TENT5D: variants seen among roughly 807,000 people sequenced by gnomAD.
TENT5D encodes the protein cancer/testis antigen 112.
For synonymous variants in TENT5D, 103 were observed against 100.6 expected, an observed-to-expected ratio of 1.02 and a Z score of -0.15; for missense variants, 191 against 287.0, an observed-to-expected ratio of 0.67 and a Z score of 2.42.
chrX:80,442,199 T>C (rs757107931), intron 2 of TENT5D, among the ~76,000 whole-genome samples: 1 of 111,036 alleles, frequency 9.0e-6, no homozygotes, highest in South Asian at 3.7e-4. Context: ...AAAATTTATA[T>C]CACCAAAGAA....
chrX:80,434,221 AGAC>A (rs1331569683), intron 1 of TENT5D, among the ~76,000 whole-genome samples: 2 of 109,339 alleles, frequency 1.8e-5, no homozygotes, highest in Non-Finnish European at 1.9e-5. Flanking sequence ...AAAAAAAAAA[AGAC>A]AGATCAGGAT....
chrX:80,369,819 T>C (rs1179918132), intron 3 of TENT5D, among the ~76,000 whole-genome samples: 1 of 112,246 alleles, frequency 8.9e-6, no homozygotes, highest in Non-Finnish European at 1.9e-5. Context: ...ATGAGTATTA[T>C]GGATTTTGAT....
chrX:80,412,158 G>T (rs1931682689), intron 3 of TENT5D, among the ~76,000 whole-genome samples: 1 of 112,933 alleles, frequency 8.9e-6, no homozygotes, highest in African/African-American at 3.2e-5. Flanking sequence ...CCCACCCTCT[G>T]GAGTCACAGC....
chrX:80,416,411 C>T (rs772869833), upstream of TENT5D, among the ~76,000 whole-genome samples: 1 of 105,714 alleles, frequency 9.5e-6, no homozygotes, highest in South Asian at 4.1e-4. Flanking sequence ...ATCTTCCTAA[C>T]GTTTTGATGT....
chrX:80,367,962 AATT>A (rs2147524889), intron 3 of TENT5D, among the ~76,000 whole-genome samples: 1 of 111,436 alleles, frequency 9.0e-6, no homozygotes, highest in South Asian at 3.7e-4. Context: ...AGTCAATAAT[AATT>A]GTACATTTAA....
At chrX:80,341,503 T>C (rs922104076) in intron 2 of TENT5D, among the ~76,000 whole-genome samples, 14 of 111,245 alleles carry the variant, frequency 1.3e-4, no homozygotes, top group Non-Finnish European at 2.3e-4. Context: ...ATTATGTTCT[T>C]GTTCAGTCAA....
chrX:80,392,391 A>G (rs1022764116), intron 3 of TENT5D, among the ~76,000 whole-genome samples: 6 of 109,819 alleles, frequency 5.5e-5, no homozygotes, highest in South Asian at 3.9e-4. Flanking sequence ...CTTTTCCACA[A>G]ATAACTTTGA....
chrX:80,352,409 C>T (rs1396450143), intron 3 of TENT5D, among the ~76,000 whole-genome samples: 5 of 111,384 alleles, frequency 4.5e-5, no homozygotes, highest in Non-Finnish European at 7.5e-5. Flanking sequence ...CGCTTTGCCA[C>T]GCTTTGTTGA....
chrX:80,335,513 A>C (rs1210750145), exon 1 of TENT5D: 2 of 111,746 alleles, frequency 1.8e-5, no homozygotes, highest in Non-Finnish European at 3.8e-5. Context: ...TACGCGCCCC[A>C]GCTCCCACCT....
At chrX:80,376,827 T>C (rs761337506) in intron 3 of TENT5D, among the ~76,000 whole-genome samples, 101 of 111,914 alleles carry the variant, frequency 9.0e-4, no homozygotes, top group African/African-American at 3.2e-3. Context: ...TATTTATATA[T>C]CTTCACTTCC....
chrX:80,386,278 A>G (rs981025198), intron 3 of TENT5D, among the ~76,000 whole-genome samples: 19 of 111,837 alleles, frequency 1.7e-4, no homozygotes, highest in Non-Finnish European at 5.6e-5. Context: ...TTGTAGGGAC[A>G]TGGATGAAGC....
At chrX:80,345,760 G>C (rs952959179) in intron 3 of TENT5D, among the ~76,000 whole-genome samples, 3 of 111,739 alleles carry the variant, frequency 2.7e-5, no homozygotes, top group African/African-American at 6.5e-5. Context: ...TCTTTAGCCA[G>C]CTTAGCTTCT....
chrX:80,382,074 C>T (rs986773119), intron 3 of TENT5D, among the ~76,000 whole-genome samples: 2 of 112,021 alleles, frequency 1.8e-5, no homozygotes, highest in East Asian at 5.6e-4. Context: ...GCTCTGGTTT[C>T]TCCCCATCTT....
chrX:80,359,945 C>T (rs1930370094), intron 3 of TENT5D, among the ~76,000 whole-genome samples: 1 of 111,472 alleles, frequency 9.0e-6, no homozygotes, highest in Admixed American at 9.6e-5. Flanking sequence ...ACTGGTAAAA[C>T]CACTACAAAT....
intron 3 of TENT5D, among the ~76,000 whole-genome samples, chrX:80,348,798 G>A (rs990760663): frequency 1.8e-5 from 2 of 111,620 alleles, no homozygotes; most frequent in South Asian, 3.8e-4. Context: ...CTGTGGGTTC[G>A]TTAGAAATAG....
intron 3 of TENT5D, among the ~76,000 whole-genome samples, chrX:80,369,784 A>G (rs953402343): frequency 2.7e-5 from 3 of 112,209 alleles, no homozygotes; most frequent in African/African-American, 9.7e-5. Flanking sequence ...CTTATATGCA[A>G]GTTTGGCAGG....
chrX:80,341,664 C>T (rs1929958523), intron 2 of TENT5D, among the ~76,000 whole-genome samples: 1 of 110,510 alleles, frequency 9.0e-6, no homozygotes, highest in Non-Finnish European at 1.9e-5. Flanking sequence ...TTGTAAAAAC[C>T]ATTGTTTGTC....
chrX:80,352,078 T>G (rs1260238027), intron 3 of TENT5D, among the ~76,000 whole-genome samples: 1 of 111,981 alleles, frequency 8.9e-6, no homozygotes, highest in Non-Finnish European at 1.9e-5. Context: ...ATGAGGTATC[T>G]ATCAACCCTT....
intron 3 of TENT5D, among the ~76,000 whole-genome samples, chrX:80,352,813 G>A (rs1206021557): frequency 2.7e-5 from 3 of 109,495 alleles, no homozygotes; most frequent in East Asian, 5.8e-4. Flanking sequence ...CCAGGGCTCT[G>A]ATGGTAGAGG....
Sources: allele counts gnomAD v4.1 joint callset (sites outside exome capture counted in the v4.1 genomes callset), GRCh38; gene constraint gnomAD v4.1.1; transcripts MANE v1.5; gene names NCBI Gene and HGNC (gene_info 2026-07-23, HGNC 2026-07-21).